STXBP5L: variants seen among roughly 807,000 people sequenced by gnomAD.
STXBP5L encodes syntaxin binding protein 5L, also known as syntaxin-binding protein 5-like.
A neutral mutation model predicts 144.5 loss-of-function variants in STXBP5L; 65 were observed. That is an observed-to-expected ratio of 0.45 (90% confidence interval 0.37 to 0.55). STXBP5L has a LOEUF of 0.55. Ranked by LOEUF, STXBP5L falls within the 20% of genes least tolerant of loss-of-function variation. STXBP5L has a pLI of 0.00. For missense variants in STXBP5L, 1,298 were observed against 1,405.5 expected, an observed-to-expected ratio of 0.92 and a Z score of 1.22; for synonymous variants, 505 against 469.6, an observed-to-expected ratio of 1.08 and a Z score of -0.97.
At chr3:121,176,953 A>G (rs2046961114) in intron 9 of STXBP5L, among the ~76,000 whole-genome samples, 1 of 152,022 alleles carries the variant, frequency 6.6e-6, no homozygotes. Flanking sequence ...CTTTTTGTAA[A>G]TAAAAACTCT....
chr3:121,355,643 G>T (rs1432750958), intron 20 of STXBP5L, among the ~76,000 whole-genome samples: 1 of 151,948 alleles, frequency 6.6e-6, no homozygotes, highest in Non-Finnish European at 1.5e-5. Flanking sequence ...TGCTCCTTTA[G>T]CTCGGAGAAG....
Position 121,151,012 on chromosome 3 carries a change from A to C in STXBP5L, c.670-1465A>C, listed in dbSNP as rs181493981. 1.2e-4 allele frequency among the ~76,000 whole-genome samples: 19 copies of C among 152,216 alleles called. No homozygotes were observed. The East Asian group carries it at 3.7e-3, about 29-fold the overall frequency. ...CTGAGGCACAGAATCTCTTGAACCC[A>C]GGAGGCGGAGGTTGCAGTGAGCAGA... On this transcript the variant is annotated intron_variant, in intron 7 of 26. Coordinates refer to ENST00000471454, the MANE Select transcript of STXBP5L (RefSeq NM_001308330.2).
chr3:120,966,997 C>T (rs891923441), intron 3 of STXBP5L, among the ~76,000 whole-genome samples: 4 of 152,124 alleles, frequency 2.6e-5, no homozygotes, highest in Non-Finnish European at 2.9e-5. Flanking sequence ...ACTCAAGCTT[C>T]AGCAATGGTG....
At chr3:121,222,427 A>G (rs543710783) in intron 10 of STXBP5L, among the ~76,000 whole-genome samples, 66 of 152,272 alleles carry the variant, frequency 4.3e-4, no homozygotes, top group East Asian at 1.7e-3. Context: ...AAGGCAATTT[A>G]TCTTTGATTA....
At chr3:121,168,604 A>T (rs1384945041) in intron 9 of STXBP5L, among the ~76,000 whole-genome samples, 1 of 152,230 alleles carries the variant, frequency 6.6e-6, no homozygotes, top group Non-Finnish European at 1.5e-5. Flanking sequence ...ATTGAAGATC[A>T]GCTTAATGAA....
intron 19 of STXBP5L, among the ~76,000 whole-genome samples, chr3:121,311,517 CA>C (rs953529814): frequency 3.9e-5 from 6 of 152,082 alleles, no homozygotes; most frequent in Admixed American, 2.6e-4. Context: ...ATGTTATATA[CA>C]AAAATCACAA....
chr3:121,186,091 C>A (rs1411354388), intron 9 of STXBP5L, among the ~76,000 whole-genome samples: 2 of 152,066 alleles, frequency 1.3e-5, no homozygotes, highest in Non-Finnish European at 2.9e-5. Flanking sequence ...TGATTTGGCT[C>A]TCTGTTTGTC....
At chr3:121,332,068 CA>C (rs34153551) in intron 20 of STXBP5L, among the ~76,000 whole-genome samples, 119 of 133,336 alleles carry the variant, frequency 8.9e-4, no homozygotes, top group East Asian at 6.0e-3. Context: ...CTTTAAGAGA[CA>C]AAAAAAAAAA....
intron 3 of STXBP5L, among the ~76,000 whole-genome samples, chr3:120,972,835 T>C (rs1940431680): frequency 6.6e-6 from 1 of 152,164 alleles, no homozygotes; most frequent in Admixed American, 6.6e-5. Flanking sequence ...TCAGGTAGTT[T>C]TTATGTTTTT....
At chr3:121,378,916 A>G (rs770786961) in intron 21 of STXBP5L, 30 bp downstream of exon 21, 2 of 1,594,658 alleles carry the variant, frequency 1.3e-6, no homozygotes, top group South Asian at 2.3e-5. Context: ...TTTTTTTGTT[A>G]CAGTTAAAAT....
intron 22 of STXBP5L, among the ~76,000 whole-genome samples, chr3:121,389,150 T>C (rs2046507802): frequency 6.6e-6 from 1 of 152,244 alleles, no homozygotes; most frequent in African/African-American, 2.4e-5. Flanking sequence ...TTTATCCATT[T>C]CTTCTAGATT....
At chr3:121,021,701 A>C (rs1043590207) in intron 3 of STXBP5L, among the ~76,000 whole-genome samples, 1 of 152,188 alleles carries the variant, frequency 6.6e-6, no homozygotes, top group Non-Finnish European at 1.5e-5. Flanking sequence ...GAAAATTTAA[A>C]ATTCCTTGAA....
intron 20 of STXBP5L, among the ~76,000 whole-genome samples, chr3:121,368,174 T>C (rs1473132876): frequency 6.6e-6 from 1 of 152,172 alleles, no homozygotes; most frequent in Non-Finnish European, 1.5e-5. Context: ...TTTTGAATTT[T>C]TTTCTTTCTG....
At chr3:120,962,544 CA>C (rs1938976316) in intron 3 of STXBP5L, among the ~76,000 whole-genome samples, 1 of 152,118 alleles carries the variant, frequency 6.6e-6, no homozygotes, top group East Asian at 1.9e-4. Flanking sequence ...ATCCTTTCCC[CA>C]TTTCGTGTTT....
intron 19 of STXBP5L, among the ~76,000 whole-genome samples, chr3:121,314,608 AGAG>A: frequency 6.8e-6 from 1 of 147,410 alleles, no homozygotes; most frequent in East Asian, 2.0e-4. Flanking sequence ...AGGGAGAGGG[AGAG>A]GGAGAGGGAG....
intron 20 of STXBP5L, among the ~76,000 whole-genome samples, chr3:121,362,706 G>A (rs9876100): frequency 2.4e-4 from 37 of 152,028 alleles, no homozygotes; most frequent in African/African-American, 8.9e-4. Context: ...GACCCCAAGA[G>A]CCTGCTTGGT....
intron 20 of STXBP5L, among the ~76,000 whole-genome samples, chr3:121,334,015 C>T (rs1162747616): frequency 1.3e-5 from 2 of 152,056 alleles, no homozygotes; most frequent in Admixed American, 6.6e-5. Flanking sequence ...CCCCATACTG[C>T]TCTCGTGGGG....
chr3:121,068,881 T>G (rs1441409939), intron 5 of STXBP5L, among the ~76,000 whole-genome samples: 3 of 152,226 alleles, frequency 2.0e-5, no homozygotes, highest in African/African-American at 7.2e-5. Flanking sequence ...CTGCTTTTAT[T>G]ATTTCACTTT....
chr3:121,112,611 G>C (rs2044041858), intron 5 of STXBP5L, among the ~76,000 whole-genome samples: 1 of 151,750 alleles, frequency 6.6e-6, no homozygotes, highest in African/African-American at 2.4e-5. Flanking sequence ...CAATCATCTT[G>C]GTCCCTCCCG....
Sources: allele counts gnomAD v4.1 joint callset (sites outside exome capture counted in the v4.1 genomes callset), GRCh38; gene constraint gnomAD v4.1.1; transcripts MANE v1.5; gene names NCBI Gene and HGNC (gene_info 2026-07-23, HGNC 2026-07-21).